PHF24: variants seen among roughly 807,000 people sequenced by gnomAD.
The protein encoded by PHF24 is Galpha inhibitory interacting protein.
Under a neutral mutation model 42.6 loss-of-function variants are expected in PHF24, and 25 were observed. The ratio of observed to expected loss-of-function variants is 0.59; its 90% CI spans 0.43 to 0.82. The LOEUF is 0.82. Ranked by LOEUF, PHF24 falls within the 40% of genes least tolerant of loss-of-function variation. The probability of loss-of-function intolerance (pLI) is 0.00; values close to 1 mark genes in which losing one functional copy is unlikely to be tolerated. For missense variants in PHF24, 470 were observed against 538.1 expected, an observed-to-expected ratio of 0.87 and a Z score of 1.25; for synonymous variants, 185 against 204.8, an observed-to-expected ratio of 0.90 and a Z score of 0.83.
chr9:34,883,402 G>A, the PHF24 span, among the ~76,000 whole-genome samples: 378 of 152,274 alleles, frequency 2.5e-3, 1 homozygote, highest in Non-Finnish European at 2.2e-3. Context: ...CACAGCAAAA[G>A]AAACTACCAT....
chr9:34,889,439 T>A, the PHF24 span: 1 of 398,496 alleles, frequency 2.5e-6, no homozygotes, highest in African/African-American at 2.1e-5. Context: ...GGTCCTCTGT[T>A]GTCTTCTGTG....
chr9:34,773,528 A>C, the PHF24 span, among the ~76,000 whole-genome samples: 3 of 152,238 alleles, frequency 2.0e-5, no homozygotes, highest in African/African-American at 7.2e-5. Context: ...AAATAAACAA[A>C]GCAATGTTGG....
chr9:34,933,746 A>G, the PHF24 span, among the ~76,000 whole-genome samples: 1 of 151,366 alleles, frequency 6.6e-6, no homozygotes, highest in African/African-American at 2.4e-5. Context: ...AACAAAAACA[A>G]AAAAACATGG....
chr9:34,897,834 C>A, the PHF24 span, among the ~76,000 whole-genome samples: 5 of 152,158 alleles, frequency 3.3e-5, no homozygotes, highest in Non-Finnish European at 7.3e-5. Flanking sequence ...CCTCCCACTC[C>A]TCCCCTCAAG....
At chr9:34,711,839 A>T in the PHF24 span, among the ~76,000 whole-genome samples, 1 of 152,142 alleles carries the variant, frequency 6.6e-6, no homozygotes, top group Non-Finnish European at 1.5e-5. Context: ...CACTGCGCCC[A>T]GCCTGCTATG....
the PHF24 span, among the ~76,000 whole-genome samples, chr9:34,785,310 G>A: frequency 2.6e-5 from 4 of 152,152 alleles, no homozygotes; most frequent in Admixed American, 6.5e-5. Flanking sequence ...GCATTAATCC[G>A]TTCATGAGGG....
At chr9:34,715,037 G>C in the PHF24 span, among the ~76,000 whole-genome samples, 1 of 152,104 alleles carries the variant, frequency 6.6e-6, no homozygotes, top group African/African-American at 2.4e-5. Flanking sequence ...GTCTCAGGGA[G>C]ATGTTACATC....
chr9:34,939,266 C>T, the PHF24 span, among the ~76,000 whole-genome samples: 7 of 152,168 alleles, frequency 4.6e-5, no homozygotes, highest in East Asian at 3.9e-4. Context: ...GCAACAAGAG[C>T]GAAACTCCAT....
At chr9:34,793,806 C>A in the PHF24 span, among the ~76,000 whole-genome samples, 2 of 151,440 alleles carry the variant, frequency 1.3e-5, no homozygotes, top group African/African-American at 4.9e-5. Flanking sequence ...GTGTCCCAGC[C>A]CCCAAGCAAT....
the PHF24 span, among the ~76,000 whole-genome samples, chr9:34,811,387 A>C: frequency 6.6e-6 from 1 of 152,208 alleles, no homozygotes. Flanking sequence ...GCCCTCATAA[A>C]TTAATTGACA....
At chr9:34,936,512 G>A in the PHF24 span, among the ~76,000 whole-genome samples, 120 of 151,252 alleles carry the variant, frequency 7.9e-4, no homozygotes, top group Middle Eastern at 3.5e-3. Flanking sequence ...AGTGAGGAGC[G>A]TCTCTGCCTG....
chr9:34,873,714 T>C, the PHF24 span, among the ~76,000 whole-genome samples: 1 of 149,768 alleles, frequency 6.7e-6, no homozygotes, highest in African/African-American at 2.4e-5. Context: ...ATATGAACTT[T>C]AAAGTAGTTT....
At chr9:34,870,469 T>C in the PHF24 span, among the ~76,000 whole-genome samples, 1 of 152,148 alleles carries the variant, frequency 6.6e-6, no homozygotes, top group Non-Finnish European at 1.5e-5. Flanking sequence ...TTTTACTGTC[T>C]CCATAGTTTT....
At chr9:34,760,599 G>C in the PHF24 span, among the ~76,000 whole-genome samples, 1 of 152,200 alleles carries the variant, frequency 6.6e-6, no homozygotes, top group Non-Finnish European at 1.5e-5. Flanking sequence ...TTACCGCCCG[G>C]TGCAGAAGCG....
At chr9:34,824,274 G>A in the PHF24 span, among the ~76,000 whole-genome samples, 2 of 152,214 alleles carry the variant, frequency 1.3e-5, no homozygotes, top group Admixed American at 6.5e-5. Flanking sequence ...TCCCAGGTGA[G>A]CATTGAGTCT....
chr9:34,748,128 G>T, the PHF24 span, among the ~76,000 whole-genome samples: 1 of 152,018 alleles, frequency 6.6e-6, no homozygotes, highest in East Asian at 1.9e-4. Flanking sequence ...GATTAGGAGG[G>T]GATACAATAG....
chr9:34,776,116 C>CGGGGGGGG, the PHF24 span, among the ~76,000 whole-genome samples: 1 of 152,100 alleles, frequency 6.6e-6, no homozygotes, highest in Admixed American at 6.5e-5. Flanking sequence ...TGATTGCCAA[C>CGGGGGGGG]GGGAATCACC....
chr9:34,915,918 A>G, the PHF24 span, among the ~76,000 whole-genome samples: 12 of 150,462 alleles, frequency 8.0e-5, no homozygotes, highest in Admixed American at 6.6e-4. Context: ...GTCCCCCCCC[A>G]CACCACCCCA....
At chr9:34,676,261 T>C in the PHF24 span, among the ~76,000 whole-genome samples, 1 of 152,046 alleles carries the variant, frequency 6.6e-6, no homozygotes, top group Non-Finnish European at 1.5e-5. Flanking sequence ...TGGTGGCTCA[T>C]GCCTGTAATC....
Sources: gnomAD v4.1 joint callset for allele counts (sites outside exome capture counted in the v4.1 genomes callset) on GRCh38, gnomAD v4.1.1 for gene constraint, MANE v1.5 for transcripts, NCBI Gene and HGNC (gene_info 2026-07-23, HGNC 2026-07-21) for gene names.